HACE1: variants seen among roughly 807,000 people sequenced by gnomAD.
HACE1 encodes the protein E3 ubiquitin-protein ligase HACE1.
A neutral mutation model predicts 118.4 loss-of-function variants in HACE1; 73 were observed. The observed-to-expected ratio is 0.62, with a 90% CI of 0.51 to 0.75. The LOEUF (loss-of-function observed/expected upper bound fraction) is 0.75, where lower values mean the gene tolerates loss of function less well. HACE1 is among the 30% of genes least tolerant of loss of function. HACE1 has a pLI of 0.00. For synonymous variants in HACE1, 368 were observed against 374.8 expected (o/e 0.98, Z 0.21); for missense variants, 749 against 1,102.2 (o/e 0.68, Z 4.54).
At chr6:104,789,292 ACTAG>A (rs1160046845) in intron 11 of HACE1, among the ~76,000 whole-genome samples, 2 of 152,138 alleles carry the variant, frequency 1.3e-5, no homozygotes, top group African/African-American at 4.8e-5. Context: ...GTGTTTAAAA[ACTAG>A]CTGAGTTTTA....
intron 7 of HACE1, among the ~76,000 whole-genome samples, chr6:104,802,776 C>T (rs7743521): frequency 0.024 from 3,698 of 152,140 alleles, 174 homozygotes; most frequent in African/African-American, 0.085. Context: ...GATCTAAAAT[C>T]GACACCCTAA....
intron 6 of HACE1, among the ~76,000 whole-genome samples, chr6:104,831,984 AAGGAAGGAAG>A (rs1297210660): frequency 6.8e-5 from 4 of 58,504 alleles, no homozygotes; most frequent in African/African-American, 2.7e-4. Flanking sequence ...AGAAGAGAGG[AAGGAAGGAAG>A]GAAGGAAGGA....
intron 1 of HACE1, among the ~76,000 whole-genome samples, chr6:104,854,700 T>C (rs1380769466): frequency 6.6e-6 from 1 of 152,186 alleles, no homozygotes; most frequent in Non-Finnish European, 1.5e-5. Flanking sequence ...TAATACAATA[T>C]TACTGTTAAT....
intron 22 of HACE1, among the ~76,000 whole-genome samples, chr6:104,737,409 T>C (rs371879052): frequency 9.9e-5 from 15 of 151,996 alleles, no homozygotes; most frequent in African/African-American, 3.6e-4. Context: ...CATTTCCATC[T>C]GAGGTACCGG....
intron 7 of HACE1, among the ~76,000 whole-genome samples, chr6:104,797,941 G>A: frequency 6.6e-6 from 1 of 151,798 alleles, no homozygotes; most frequent in Non-Finnish European, 1.5e-5. Flanking sequence ...GGTAGCCGGT[G>A]CCTGTAATCC....
At position 104,777,456 on chromosome 6, in the gene HACE1, T is replaced by G. The variant is rs1781336745; in HGVS notation, c.1567-139A>C. 4.5e-6 allele frequency: 3 copies of G among 672,700 alleles called. No individual in the cohort carries two copies. In the Admixed American group the frequency reaches 6.8e-5, roughly 15 times the overall value. 41.7% of individuals were successfully genotyped at this position (672,700 alleles called of 1,614,324 possible). ...TACAATAAGGAGTTACTGGATAATGTTTGAACATTTCAATAACTATTTACA... is the reference window on the plus strand; with the variant it reads ...TACAATAAGGAGTTACTGGATAATGGTTGAACATTTCAATAACTATTTACA... On this transcript the variant is annotated intron_variant, in intron 14 of 23. Transcript: ENST00000262903.
rs1367092305 is a variant in HACE1 at position 104,797,033 on chromosome 6, G to A, written c.618-8C>T. ...GTATCTCTCTGACCATGACTGTGTG[G>A]AAATAGAAACAAGTTAAAAATACAA... On this transcript the variant is annotated splice_polypyrimidine_tract_variant and splice_region_variant and intron_variant, in intron 7 of 23. Transcript: ENST00000262903. 6 of 1,480,392 alleles carry A rather than the reference G, an allele frequency of 4.1e-6. No homozygotes were observed. The highest frequency in any genetic ancestry group is 5.7e-6 in the Non-Finnish European group (6 of 1,058,558). 91.7% of individuals were successfully genotyped at this position (1,480,392 alleles called of 1,614,324 possible). A position where few individuals can be genotyped will look rare whatever the true frequency, so the allele number is the denominator to read the frequency against.
intron 22 of HACE1, among the ~76,000 whole-genome samples, chr6:104,734,128 G>C (rs1775530942): frequency 9.0e-6 from 1 of 111,346 alleles, no homozygotes; most frequent in Non-Finnish European, 1.7e-5. Flanking sequence ...GAGAAACAGA[G>C]CAAGACTCTT....
In HACE1 at chr6:104,785,041, C is replaced by G. The variant is rs751401777; in HGVS notation, c.1353G>C (p.Arg451=). 9.3e-6 allele frequency: 15 copies of G among 1,613,702 alleles called. No individual in the cohort carries two copies. The highest frequency in any genetic ancestry group is 9.3e-6 in the Non-Finnish European group (11 of 1,179,830). Residue 451 remains arginine, a synonymous_variant, in exon 12 of 24, where the codon CGG becomes CGC. Transcript: ENST00000262903. ...CQDVISMTAN[R]LSAVIQAFYM... is the part of the protein sequence containing the mutation. ...AAAAAGCTTGAATGACAGCACTTAGCCGGTTAGCTGTCATAGAAATAACAT... is the reference window on the plus strand; with the variant it reads ...AAAAAGCTTGAATGACAGCACTTAGGCGGTTAGCTGTCATAGAAATAACAT...
chr6:104,859,420 G>C (rs1221867768), intron 1 of HACE1, 147 bp downstream of exon 1: 5 of 655,680 alleles, frequency 7.6e-6, no homozygotes, highest in Non-Finnish European at 1.2e-5. Context: ...TTCGGGGCCC[G>C]GGGCCGCCTC....
intron 22 of HACE1, chr6:104,732,147 G>A (rs1385494772): frequency 6.6e-6 from 1 of 152,140 alleles, no homozygotes; most frequent in Admixed American, 6.5e-5. Flanking sequence ...CAGTATGCAA[G>A]TTCCTCAACA....
At chr6:104,756,359 CTGAGA>C (rs899474374) in intron 19 of HACE1, among the ~76,000 whole-genome samples, 1 of 147,148 alleles carries the variant, frequency 6.8e-6, no homozygotes, top group Non-Finnish European at 1.5e-5. Context: ...TTGCAGTGAG[CTGAGA>C]TCACACCACT....
chr6:104,814,867 G>GT (rs1285489476), intron 6 of HACE1, among the ~76,000 whole-genome samples: 1 of 138,180 alleles, frequency 7.2e-6, no homozygotes, highest in South Asian at 2.2e-4. Flanking sequence ...CACCATGATT[G>GT]TAAGTTTCCT....
intron 11 of HACE1, among the ~76,000 whole-genome samples, chr6:104,790,482 G>A (rs200252264): frequency 6.6e-6 from 1 of 152,218 alleles, no homozygotes; most frequent in Non-Finnish European, 1.5e-5. Flanking sequence ...GCTGGGTGCA[G>A]TGGCTCACGC....
chr6:104,791,138 T>C (rs1782979225), intron 11 of HACE1, among the ~76,000 whole-genome samples: 1 of 152,192 alleles, frequency 6.6e-6, no homozygotes, highest in Admixed American at 6.5e-5. Flanking sequence ...AAAATCTAAA[T>C]AAAAACTGTG....
chr6:104,741,076 T>C (rs925072245), intron 22 of HACE1, among the ~76,000 whole-genome samples: 16 of 108,150 alleles, frequency 1.5e-4, no homozygotes, highest in South Asian at 1.1e-3. Flanking sequence ...ATTATCTCAA[T>C]AGATGCAGAA....
intron 19 of HACE1, among the ~76,000 whole-genome samples, chr6:104,761,489 AG>A (rs1779352046): frequency 6.6e-6 from 1 of 152,236 alleles, no homozygotes; most frequent in South Asian, 2.1e-4. Context: ...AAAACTGGCT[AG>A]CCATATGCAG....
chr6:104,797,053 A>AGATTG, intron 7 of HACE1, 28 bp from the exon 8 acceptor site: 1 of 1,219,766 alleles, frequency 8.2e-7, no homozygotes, highest in Non-Finnish European at 1.2e-6. Flanking sequence ...CAAGTTAAAA[A>AGATTG]TACAATCTTT....
At chr6:104,734,524 A>C (rs1402104504) in intron 22 of HACE1, among the ~76,000 whole-genome samples, 2 of 152,234 alleles carry the variant, frequency 1.3e-5, no homozygotes, top group Non-Finnish European at 2.9e-5. Flanking sequence ...AAAGCTTAAA[A>C]CTTTCTCAGT....
Sources: gnomAD v4.1 joint callset for allele counts (sites outside exome capture counted in the v4.1 genomes callset) on GRCh38, gnomAD v4.1.1 for gene constraint, MANE v1.5 for transcripts, NCBI Gene and HGNC (gene_info 2026-07-23, HGNC 2026-07-21) for gene names.